The following TCF3 variants were observed in gnomAD, a reference collection of about 807,000 sequenced individuals.
TCF3 encodes the protein transcription factor 3.
In TCF3, 54 loss-of-function variants were observed where a neutral mutation model predicts 72.3. That is an observed-to-expected ratio of 0.75 (90% CI 0.60 to 0.94). The LOEUF (loss-of-function observed/expected upper bound fraction) is 0.94, where lower values mean the gene tolerates loss of function less well. Among genes scored for constraint, TCF3 ranks in the 40% least tolerant of loss-of-function variants. The probability of loss-of-function intolerance (pLI) is 0.00; values close to 1 mark genes in which losing one functional copy is unlikely to be tolerated. For synonymous variants in TCF3, 525 were observed against 412.6 expected, an observed-to-expected ratio of 1.27 and a Z score of -3.30; for missense variants, 1,078 against 934.4, an observed-to-expected ratio of 1.15 and a Z score of -2.00.
At chr19:1,617,088 G>A (rs770512149) in intron 16 of TCF3, among the ~76,000 whole-genome samples, 5 of 152,242 alleles carry the variant, frequency 3.3e-5, no homozygotes, top group Non-Finnish European at 2.9e-5. Context: ...GTGGCTTTGC[G>A]CTACCCTTTC....
At chr19:1,631,919 C>CCA (rs753054377) in intron 5 of TCF3, 119 bp downstream of exon 5, 70 of 1,541,616 alleles carry the variant, frequency 4.5e-5, no homozygotes, top group Non-Finnish European at 5.7e-5. Flanking sequence ...CTTCGGCTGT[C>CCA]CACACCCTCT....
intron 2 of TCF3, among the ~76,000 whole-genome samples, chr19:1,649,553 G>C (rs1485034680): frequency 6.6e-6 from 1 of 152,198 alleles, no homozygotes; most frequent in Non-Finnish European, 1.5e-5. Context: ...TGGGACCACA[G>C]GCATCTACCA....
At chr19:1,629,512 C>G (rs1004390706) in intron 5 of TCF3, among the ~76,000 whole-genome samples, 1 of 151,786 alleles carries the variant, frequency 6.6e-6, no homozygotes, top group Admixed American at 6.6e-5. Flanking sequence ...GCCTGGGCTA[C>G]GGAGGGGAAC....
At chr19:1,641,827 C>T (rs550357489) in intron 3 of TCF3, among the ~76,000 whole-genome samples, 70 of 152,018 alleles carry the variant, frequency 4.6e-4, no homozygotes, top group Non-Finnish European at 7.1e-4. Context: ...TCCTGGGCTC[C>T]GGCAATTCTC....
chr19:1,617,129 C>A (rs572493394), intron 16 of TCF3, among the ~76,000 whole-genome samples: 1 of 152,356 alleles, frequency 6.6e-6, no homozygotes, highest in Non-Finnish European at 1.5e-5. Context: ...GTTGAGGGAC[C>A]TGAACAGTCA....
chr19:1,636,850 T>C (rs2064481901), intron 3 of TCF3, among the ~76,000 whole-genome samples: 1 of 152,146 alleles, frequency 6.6e-6, no homozygotes, highest in Non-Finnish European at 1.5e-5. Context: ...CTGCCTCTAA[T>C]GTCTGGCGAT....
intron 5 of TCF3, among the ~76,000 whole-genome samples, chr19:1,629,129 C>A (rs11881370): frequency 0.035 from 2,466 of 70,542 alleles, 530 homozygotes; most frequent in East Asian, 0.26. Context: ...AAGGGGACAG[C>A]AGAGCTCACA....
intron 2 of TCF3, among the ~76,000 whole-genome samples, chr19:1,649,867 A>G (rs2066729610): frequency 6.6e-6 from 1 of 152,256 alleles, no homozygotes; most frequent in Admixed American, 6.5e-5. Flanking sequence ...CAGAAGATCA[A>G]GGCCGCATTT....
At position 1,615,947 on chromosome 19, in the gene TCF3, C is replaced by CA; in HGVS notation, c.1451-127dup. 1 of 1,219,526 alleles carries CA rather than the reference C, an allele frequency of 8.2e-7. No homozygotes were observed. Among genetic ancestry groups the CA allele is most frequent in the Non-Finnish European group, 1.1e-6 (1 of 908,002 alleles). 75.5% of individuals were successfully genotyped at this position (1,219,526 alleles called of 1,614,324 possible). A position where few individuals can be genotyped will look rare whatever the true frequency, so the allele number is the denominator to read the frequency against. On this transcript the variant is annotated intron_variant, in intron 16 of 18. Transcript: ENST00000262965. The surrounding 1 kb of genome is among the most constrained non-coding windows in gnomAD (Gnocchi z 7.3). ...ACCAGGTCTTGGCCAAAAATAAAAA[C>CA]AAAAAACCAACAACCAGAACTGGAT... is the stretch of plus-strand genomic sequence containing the variant.
chr19:1,623,419 T>C (rs1214469710), intron 8 of TCF3, among the ~76,000 whole-genome samples: 1 of 145,642 alleles, frequency 6.9e-6, no homozygotes, highest in African/African-American at 2.5e-5. Context: ...AGTCTCACTC[T>C]GTTGCTCAGG....
In TCF3 at chr19:1,625,603, G is replaced by C; in HGVS notation, c.472C>G (p.Arg158Gly). 7 of 1,584,588 alleles carry C rather than the reference G, an allele frequency of 4.4e-6. No individual in the cohort carries two copies. The highest frequency in any genetic ancestry group is 6.0e-6 in the Non-Finnish European group (7 of 1,167,988). Reference sequence around the variant, plus strand: ...AGGCTGCCGTCTGCCGCTCTCCGCCGGGAGCTGCCGGAGTAGGAGGGGTAG... The same window carrying C: ...AGGCTGCCGTCTGCCGCTCTCCGCCCGGAGCTGCCGGAGTAGGAGGGGTAG... The part of the protein sequence containing the change: ...QYYPSYSGSS[R>G]RRAADGSLDT... The change falls in exon 7 of 19, where the codon CGG becomes GGG. Residue 158 changes from arginine (R) to glycine (G), a missense_variant. Physicochemically the swap from Arg to Gly is moderately radical, Grantham distance 125. Transcript: ENST00000262965.
rs768113432 is a variant in TCF3, at chr19:1,632,131, G to T, written c.220-15C>A. The T allele has an allele frequency of 3.1e-6, 5 of 1,611,168 alleles. No individual in the cohort carries two copies. The highest frequency in any genetic ancestry group is 4.2e-6 in the Non-Finnish European group (5 of 1,178,820). ...TCGCTGAAGGTCTAGGGGAGATGGG[G>T]TGGGGATGAGAGGTGCTGGGGCTTC... On this transcript the variant is annotated splice_polypyrimidine_tract_variant and intron_variant, in intron 4 of 18. Coordinates refer to ENST00000262965, the MANE Select transcript of TCF3 (RefSeq NM_003200.5).
Position 1,623,874 on chromosome 19 carries a change from C to T in TCF3, c.549+77G>A, listed in dbSNP as rs1327219337. 4.0e-6 allele frequency: 6 copies of T among 1,490,960 alleles called. No homozygotes were observed. The East Asian group carries it at 1.4e-4, about 35-fold the overall frequency. 92.4% of individuals were successfully genotyped at this position (1,490,960 alleles called of 1,614,324 possible). A position where few individuals can be genotyped will look rare whatever the true frequency, so the allele number is the denominator to read the frequency against. On this transcript the variant is annotated intron_variant, in intron 8 of 18. Coordinates refer to ENST00000262965, the MANE Select transcript of TCF3 (RefSeq NM_003200.5). ...CAGGGCCCACCCCGCCATGTGTGTT[C>T]CCAAGCTTCGCCAGGACACAGGGCC...
At chr19:1,623,060 G>GA (rs1378661936) in intron 8 of TCF3, among the ~76,000 whole-genome samples, 1 of 152,178 alleles carries the variant, frequency 6.6e-6, no homozygotes, top group Non-Finnish European at 1.5e-5. Context: ...ATACTGTTGG[G>GA]AGCAGAGCCT....
intron 8 of TCF3, 81 bp downstream of exon 8, chr19:1,623,870 T>C (rs1020896965): frequency 6.9e-7 from 1 of 1,458,438 alleles, no homozygotes. Flanking sequence ...CCGCCATGTG[T>C]GTTCCCAAGC....
chr19:1,636,437 A>G (rs902030617), intron 3 of TCF3, among the ~76,000 whole-genome samples: 3 of 152,334 alleles, frequency 2.0e-5, no homozygotes, highest in Admixed American at 6.5e-5. Flanking sequence ...CTGGGATTAC[A>G]GGCATGAGCC....
rs1319114036 is a variant in TCF3, at chr19:1,651,003, T to G, written c.-39-716A>C. On this transcript the variant is annotated intron_variant, in intron 1 of 18. Transcript: ENST00000262965. ...GCCCTAGATTGCTTTACTGTCGCGA[T>G]GTATCCGGGAATTATTTTTAAGCAA... The G allele has an allele frequency of 2.2e-5, 5 of 228,892 alleles. No homozygotes were observed. The East Asian group carries it at 3.1e-4, about 14-fold the overall frequency. 14.2% of individuals were successfully genotyped at this position (228,892 alleles called of 1,614,324 possible). A position where few individuals can be genotyped will look rare whatever the true frequency, so the allele number is the denominator to read the frequency against.
intron 3 of TCF3, among the ~76,000 whole-genome samples, chr19:1,642,506 G>C (rs999224900): frequency 2.6e-5 from 4 of 152,192 alleles, no homozygotes; most frequent in Non-Finnish European, 5.9e-5. Context: ...ATAAAAAGTG[G>C]ATCAACTTCA....
intron 7 of TCF3, 57 bp from the exon 8 acceptor site, chr19:1,624,057 C>G: frequency 6.4e-7 from 1 of 1,564,094 alleles, no homozygotes; most frequent in Non-Finnish European, 8.8e-7. Context: ...AACCCCTGCC[C>G]TACACCCTGG....
Sources: allele counts gnomAD v4.1 joint callset (sites outside exome capture counted in the v4.1 genomes callset), GRCh38; gene constraint gnomAD v4.1.1; non-coding constraint Gnocchi (gnomAD v3.1); transcripts MANE v1.5; gene names NCBI Gene and HGNC (gene_info 2026-07-23, HGNC 2026-07-21).